PYM1: variants seen among roughly 807,000 people sequenced by gnomAD.
PYM1 encodes PYM1 exon junction complex associated factor.
Under a neutral mutation model 20.7 loss-of-function variants are expected in PYM1, and 7 were observed. The ratio of observed to expected loss-of-function variants is 0.34; its 90% CI spans 0.19 to 0.64. The LOEUF is 0.64. Ranked by LOEUF, PYM1 falls within the 30% of genes least tolerant of loss-of-function variation. PYM1 has a pLI of 0.74. For missense variants in PYM1, 194 were observed against 250.0 expected (o/e 0.78, Z 1.51); for synonymous variants, 100 against 99.2 (o/e 1.01, Z -0.05).
intron 1 of PYM1, among the ~76,000 whole-genome samples, chr12:55,923,330 C>A (rs1277178340): frequency 6.6e-6 from 1 of 152,034 alleles, no homozygotes; most frequent in African/African-American, 2.4e-5. Flanking sequence ...CTTTGGGAGG[C>A]CAGGGCGTGA....
intron 1 of PYM1, among the ~76,000 whole-genome samples, chr12:55,904,988 T>C (rs547755962): frequency 2.6e-5 from 4 of 151,656 alleles, no homozygotes; most frequent in South Asian, 4.2e-4. Context: ...CATTATACAA[T>C]ATTTATTTAT....
At chr12:55,904,592 T>A (rs1882755846) in intron 1 of PYM1, among the ~76,000 whole-genome samples, 1 of 58,974 alleles carries the variant, frequency 1.7e-5, no homozygotes, top group African/African-American at 8.1e-5. Flanking sequence ...TGAGACTCCA[T>A]CTCAAAAAAA....
rs547386022 is a variant in PYM1, at chr12:55,916,841, T to C, written c.37+10884A>G. Among the ~76,000 whole-genome samples the C allele has an allele frequency of 2.0e-5, 3 of 152,136 alleles. No individual in the cohort carries two copies. In the East Asian group the frequency reaches 5.8e-4, roughly 29 times the overall value. ...GAAAGTAGTCTGAGGTTGGGCGTGGTGGTTCATGCCTCTAATCCCAACACT... is the reference window on the plus strand; with the variant it reads ...GAAAGTAGTCTGAGGTTGGGCGTGGCGGTTCATGCCTCTAATCCCAACACT... On this transcript the variant is annotated intron_variant, in intron 1 of 2. Coordinates refer to ENST00000408946, the MANE Select transcript of PYM1 (RefSeq NM_032345.3).
chr12:55,903,515 T>G (rs1443813205), intron 1 of PYM1, 35 bp from the exon 2 acceptor site: 1 of 1,588,886 alleles, frequency 6.3e-7, no homozygotes, highest in Admixed American at 1.7e-5. Flanking sequence ...AAATTACTCT[T>G]ATTTTCAAAC....
intron 1 of PYM1, among the ~76,000 whole-genome samples, chr12:55,920,053 C>T (rs1883072262): frequency 6.6e-6 from 1 of 151,836 alleles, no homozygotes; most frequent in Admixed American, 6.6e-5. Flanking sequence ...AAAAATTAGC[C>T]AGCCATGGTG....
chr12:55,912,585 A>AG (rs869069815), intron 1 of PYM1, among the ~76,000 whole-genome samples: 6 of 149,984 alleles, frequency 4.0e-5, no homozygotes, highest in African/African-American at 9.8e-5. Context: ...ACTCCGCAAG[A>AG]GGGGGGAAAA....
intron 1 of PYM1, among the ~76,000 whole-genome samples, chr12:55,907,938 A>AAAAAAAT (rs965402014): frequency 6.6e-6 from 1 of 151,802 alleles, no homozygotes; most frequent in Non-Finnish European, 1.5e-5. Flanking sequence ...ACTCCGTCTC[A>AAAAAAAT]AAAAAATAAA....
At chr12:55,903,268 C>T in intron 2 of PYM1, 119 bp downstream of exon 2, 1 of 802,746 alleles carries the variant, frequency 1.2e-6, no homozygotes, top group Non-Finnish European at 2.0e-6. Context: ...AGATAGTTGC[C>T]CCTCCTTCCA....
chr12:55,927,401 A>T (rs1375912738), intron 1 of PYM1: 1 of 712,996 alleles, frequency 1.4e-6, no homozygotes, highest in Non-Finnish European at 2.5e-6. Flanking sequence ...ATCCCCAGGA[A>T]CTCCTCGTAC....
chr12:55,913,533 T>C (rs1344939554), intron 1 of PYM1, among the ~76,000 whole-genome samples: 1 of 152,154 alleles, frequency 6.6e-6, no homozygotes, highest in African/African-American at 2.4e-5. Context: ...AAAGCAATGA[T>C]TTAAGATTAA....
intron 1 of PYM1, among the ~76,000 whole-genome samples, chr12:55,909,017 G>A (rs1445752669): frequency 6.6e-6 from 1 of 152,130 alleles, no homozygotes; most frequent in Non-Finnish European, 1.5e-5. Context: ...AAGTTGAGAG[G>A]TTCAGGTGAA....
chr12:55,906,526 G>T (rs1366029863), intron 1 of PYM1, among the ~76,000 whole-genome samples: 3 of 152,052 alleles, frequency 2.0e-5, no homozygotes, highest in African/African-American at 7.2e-5. Flanking sequence ...AAATAAATAA[G>T]CATGATTATG....
intron 1 of PYM1, among the ~76,000 whole-genome samples, chr12:55,918,375 C>T (rs1348344232): frequency 6.6e-6 from 1 of 151,876 alleles, no homozygotes; most frequent in Non-Finnish European, 1.5e-5. Flanking sequence ...GCTGGGATTA[C>T]AGGCGTGAGC....
At chr12:55,911,761 A>T (rs1882926957) in intron 1 of PYM1, among the ~76,000 whole-genome samples, 1 of 151,546 alleles carries the variant, frequency 6.6e-6, no homozygotes, top group Non-Finnish European at 1.5e-5. Flanking sequence ...GAATCACTTG[A>T]TCCCAGGAGG....
intron 1 of PYM1, among the ~76,000 whole-genome samples, chr12:55,923,578 AC>A (rs918788473): frequency 2.6e-5 from 4 of 151,894 alleles, no homozygotes; most frequent in East Asian, 3.9e-4. Context: ...AAAAAAAAAA[AC>A]AAAACTAATG....
rs946983520 is a variant in PYM1 at position 55,905,973 on chromosome 12, ATAT to A, written c.38-2496_38-2494del. On this transcript the variant is annotated intron_variant, in intron 1 of 2. Transcript: ENST00000408946. ...TATTATATATATCTAATAGATATAT[ATAT>A]TATTATATATAATATAAAATAAATA... Among the ~76,000 whole-genome samples the A allele has an allele frequency of 3.1e-5, 4 of 130,934 alleles. 1 individual carries two copies. The highest frequency in any genetic ancestry group is 1.3e-4 in the African/African-American group (4 of 31,546). 85.9% of individuals were successfully genotyped at this position (130,934 alleles called of 152,430 possible).
At position 55,908,617 on chromosome 12, in the gene PYM1, C is replaced by T. The variant is rs377488453; in HGVS notation, c.38-5137G>A. 7.9e-5 allele frequency among the ~76,000 whole-genome samples: 12 copies of T among 151,848 alleles called. No homozygotes were observed. In the East Asian group the frequency reaches 1.2e-3, roughly 15 times the overall value. ...CTGTACTCCTACCACTTTGCGAGGC[C>T]GAGGCAGGCAGATCACCTGAGATCA... On this transcript the variant is annotated intron_variant, in intron 1 of 2. Coordinates refer to ENST00000408946, the MANE Select transcript of PYM1 (RefSeq NM_032345.3).
intron 1 of PYM1, among the ~76,000 whole-genome samples, chr12:55,904,210 G>T (rs1243870598): frequency 6.6e-6 from 1 of 151,480 alleles, no homozygotes; most frequent in Non-Finnish European, 1.5e-5. Flanking sequence ...CAGGTGATCC[G>T]CCCGCCTCGG....
rs369949729 is a variant in PYM1 at position 55,911,500 on chromosome 12, G to C, written c.38-8020C>G. On this transcript the variant is annotated intron_variant, in intron 1 of 2. Coordinates refer to ENST00000408946, the MANE Select transcript of PYM1 (RefSeq NM_032345.3). ...TAAGATACGGCAAGAAACATGTTTTGGGGTAAAATATTTTTATTTTCTTGT... is the reference window on the plus strand; with the variant it reads ...TAAGATACGGCAAGAAACATGTTTTCGGGTAAAATATTTTTATTTTCTTGT... Among the ~76,000 whole-genome samples, 7 of 152,148 alleles carry C rather than the reference G, an allele frequency of 4.6e-5. No individual in the cohort carries two copies. In the East Asian group the frequency reaches 9.7e-4, roughly 21 times the overall value.
Sources: gnomAD v4.1 joint callset for allele counts (sites outside exome capture counted in the v4.1 genomes callset) on GRCh38, gnomAD v4.1.1 for gene constraint, MANE v1.5 for transcripts, NCBI Gene and HGNC (gene_info 2026-07-23, HGNC 2026-07-21) for gene names.